Variants in GBP7 observed in about 807,000 individuals in gnomAD.
GBP7 encodes the protein guanylate-binding protein 7.
In GBP7, 43 loss-of-function variants were observed where a neutral mutation model predicts 61.3. The ratio of observed to expected loss-of-function variants is 0.70; its 90% confidence interval spans 0.55 to 0.91. The LOEUF (loss-of-function observed/expected upper bound fraction) is 0.91, where lower values mean the gene tolerates loss of function less well. GBP7 is among the 40% of genes least tolerant of loss of function. The probability of loss-of-function intolerance (pLI) is 0.00; values close to 1 mark genes in which losing one functional copy is unlikely to be tolerated. For synonymous variants in GBP7, 267 were observed against 271.0 expected, an observed-to-expected ratio of 0.99 and a Z score of 0.14; for missense variants, 717 against 740.5, an observed-to-expected ratio of 0.97 and a Z score of 0.37.
intron 3 of GBP7, among the ~76,000 whole-genome samples, chr1:89,154,166 A>G (rs1057145563): frequency 1.3e-5 from 2 of 152,206 alleles, no homozygotes; most frequent in Non-Finnish European, 2.9e-5. Flanking sequence ...GGTCCCTTGA[A>G]CAGTCATACT....
At chr1:89,151,462 C>T (rs1682197273) in intron 5 of GBP7, among the ~76,000 whole-genome samples, 1 of 152,148 alleles carries the variant, frequency 6.6e-6, no homozygotes, top group Non-Finnish European at 1.5e-5. Context: ...ACGGAAAATA[C>T]TCAGGTCAGA....
At chr1:89,161,384 C>T (rs759512657) in intron 3 of GBP7, among the ~76,000 whole-genome samples, 18 of 152,274 alleles carry the variant, frequency 1.2e-4, no homozygotes, top group Non-Finnish European at 2.5e-4. Flanking sequence ...ATTTACACTC[C>T]CACCAACAAT....
rs148584394 is a variant in GBP7 at position 89,152,461 on chromosome 1, G to A, written c.432C>T (p.Tyr144=). 1.1e-4 allele frequency: 170 copies of A among 1,613,638 alleles called. No homozygotes were observed. The highest frequency in any genetic ancestry group is 1.6e-4 in the South Asian group (15 of 91,062). The change falls in exon 5 of 11, where the codon TAC becomes TAT. Residue 144 remains tyrosine, a synonymous_variant. Coordinates refer to ENST00000294671, the MANE Select transcript of GBP7 (RefSeq NM_207398.3). ...INHQALEQLH[Y]VTELTELIRA... is the part of the protein sequence containing the mutation. Reference sequence around the variant, plus strand: ...TGATTAGCTCTGTTAGCTCAGTCACGTAGCTGGGATCTCAGCTAAGGAAGG... The same window carrying A: ...TGATTAGCTCTGTTAGCTCAGTCACATAGCTGGGATCTCAGCTAAGGAAGG...
intron 9 of GBP7, among the ~76,000 whole-genome samples, chr1:89,138,212 G>T (rs1443050098): frequency 9.9e-5 from 15 of 152,128 alleles, no homozygotes; most frequent in Admixed American, 9.8e-4. Flanking sequence ...AATCAATGTT[G>T]TTAAAATAGC....
Position 89,147,566 on chromosome 1 carries a change from C to T in GBP7, c.1365+1G>A. The T allele has an allele frequency of 6.2e-7, 1 of 1,612,014 alleles. No homozygotes were observed. The highest frequency in any genetic ancestry group is 1.1e-5 in the South Asian group (1 of 91,022). ...CATCCCCTTCTCCCCTTATTCCTCA[C>T]CTTAACTCCTTTTCTGGGCACTAGT... On this transcript the variant is annotated splice_donor_variant, in intron 8 of 10. Coordinates refer to ENST00000294671, the MANE Select transcript of GBP7 (RefSeq NM_207398.3). LOFTEE classifies it high-confidence loss of function.
chr1:89,143,387 T>G (rs1681996237), intron 8 of GBP7, among the ~76,000 whole-genome samples: 1 of 152,252 alleles, frequency 6.6e-6, no homozygotes. Context: ...TTGATATATG[T>G]ATCTTTCCAA....
intron 3 of GBP7, among the ~76,000 whole-genome samples, chr1:89,163,778 C>A (rs1207108229): frequency 1.3e-5 from 2 of 152,058 alleles, no homozygotes; most frequent in African/African-American, 4.8e-5. Flanking sequence ...CATTGCCTAG[C>A]CCAGTAAATT....
At chr1:89,161,426 C>G (rs1203584330) in intron 3 of GBP7, among the ~76,000 whole-genome samples, 1 of 152,162 alleles carries the variant, frequency 6.6e-6, no homozygotes, top group Non-Finnish European at 1.5e-5. Flanking sequence ...TACAACCTAA[C>G]CAGCATCTGT....
At chr1:89,136,721 A>G (rs961686494) in intron 9 of GBP7, among the ~76,000 whole-genome samples, 3 of 152,170 alleles carry the variant, frequency 2.0e-5, no homozygotes, top group Admixed American at 6.5e-5. Context: ...ATCTCAAATT[A>G]ACAATCTAAC....
intron 2 of GBP7, among the ~76,000 whole-genome samples, chr1:89,165,415 G>A (rs770332098): frequency 2.6e-5 from 4 of 151,496 alleles, no homozygotes; most frequent in African/African-American, 7.3e-5. Context: ...TAGGGGAGTC[G>A]CTTGAAACCA....
intron 8 of GBP7, among the ~76,000 whole-genome samples, chr1:89,146,737 A>G (rs1682074212): frequency 6.6e-6 from 1 of 152,212 alleles, no homozygotes; most frequent in African/African-American, 2.4e-5. Context: ...AAAAACCATA[A>G]TGAGATATCA....
chr1:89,144,536 C>A (rs1455775136), intron 8 of GBP7, among the ~76,000 whole-genome samples: 2 of 152,146 alleles, frequency 1.3e-5, no homozygotes, highest in Admixed American at 6.5e-5. Flanking sequence ...TACAACCTCA[C>A]CAGTATGTGC....
rs370219309 is a variant in GBP7, at chr1:89,171,808, A to G, written c.128T>C (p.Ile43Thr). 3 of 1,613,566 alleles carry G rather than the reference A, an allele frequency of 1.9e-6. No homozygotes were observed. Among genetic ancestry groups the G allele is most frequent in the African/African-American group, 2.7e-5 (2 of 74,726 alleles). Reference sequence around the variant, plus strand: ...TTTGCCTGTGCGGTAGAGGCCCACAATTGCCACCACTACTACAGGCTGTGT... The same window carrying G: ...TTTGCCTGTGCGGTAGAGGCCCACAGTTGCCACCACTACTACAGGCTGTGT... ...AITQPVVVVA[I>T]VGLYRTGKSY... is the part of the protein sequence containing the mutation. Residue 43 changes from isoleucine (I) to threonine (T), a missense_variant, in exon 2 of 11, where the codon ATT becomes ACT. Physicochemically the swap from Ile to Thr is moderately conservative, Grantham distance 89. Around this residue, in one of 3 missense-constraint regions of GBP7, gnomAD observed 387 missense variants for 385.2 expected, o/e 1.00. Transcript: ENST00000294671.
Position 89,171,760 on chromosome 1 carries a change from G to A in GBP7, c.176C>T (p.Ala59Val), listed in dbSNP as rs1253800397. The change falls in exon 2 of 11, where the codon GCT becomes GTT. Residue 59 changes from alanine (A) to valine (V), a missense_variant. Ala to Val is a moderately conservative substitution (Grantham distance 64). Coordinates refer to ENST00000294671, the MANE Select transcript of GBP7 (RefSeq NM_207398.3). Reference sequence around the variant, plus strand: ...GTGCCACTCACCTTTGTTCTTCCCAGCCAGCTTGTTCATTAGGTAGGATTT... The same window carrying A: ...GTGCCACTCACCTTTGTTCTTCCCAACCAGCTTGTTCATTAGGTAGGATTT... ...TGKSYLMNKL[A>V]GKNKGFPLGC... 1 of 1,612,602 alleles carries A rather than the reference G, an allele frequency of 6.2e-7. No homozygotes were observed. The highest frequency in any genetic ancestry group is 2.2e-5 in the East Asian group (1 of 44,850).
In GBP7 at chr1:89,133,329, T is replaced by G. The variant is rs781485573; in HGVS notation, c.1591A>C (p.Lys531Gln). ...TCCCTTTCCCTCTCCATCTTCTTCT[T>G]GAGTTGAGCTATGTTTTCCTGGAAA... ...RSFQENIAQL[K>Q]KKMERERENY... The change falls in exon 10 of 11, where the codon AAG becomes CAG. Residue 531 changes from lysine to glutamine, a missense_variant. Physicochemically the swap from Lys to Gln is moderately conservative, Grantham distance 53. Around this residue, in one of 3 missense-constraint regions of GBP7, gnomAD observed 312 missense variants for 310.1 expected, o/e 1.01. Transcript: ENST00000294671. 1 of 1,613,996 alleles carries G rather than the reference T, an allele frequency of 6.2e-7. No homozygotes were observed. The highest frequency in any genetic ancestry group is 8.5e-7 in the Non-Finnish European group (1 of 1,179,928).
At position 89,174,718 on chromosome 1, in the gene GBP7, A is replaced by C. The variant is rs561294292; in HGVS notation, c.-20+1203T>G. Among the ~76,000 whole-genome samples, 4 of 152,304 alleles carry C rather than the reference A, an allele frequency of 2.6e-5. No individual in the cohort carries two copies. The South Asian group carries it at 8.3e-4, about 32-fold the overall frequency. ...GTGCATCAGCATTCACACGTTATTC[A>C]TGCAAGCCTGATAGCTCGCACCTGA... On this transcript the variant is annotated intron_variant, in intron 1 of 10. Transcript: ENST00000294671.
chr1:89,153,831 C>T (rs1682256009), intron 3 of GBP7, among the ~76,000 whole-genome samples: 1 of 152,042 alleles, frequency 6.6e-6, no homozygotes, highest in Non-Finnish European at 1.5e-5. Context: ...ATGTCTAACT[C>T]AAATAAGATG....
intron 9 of GBP7, among the ~76,000 whole-genome samples, chr1:89,136,150 C>G (rs915388661): frequency 6.6e-6 from 1 of 152,078 alleles, no homozygotes; most frequent in Middle Eastern, 3.2e-3. Context: ...CTAGAGGACC[C>G]TAGATTCATA....
intron 8 of GBP7, among the ~76,000 whole-genome samples, chr1:89,146,145 C>T (rs1263184022): frequency 2.6e-5 from 4 of 152,092 alleles, no homozygotes; most frequent in Admixed American, 6.6e-5. Flanking sequence ...AGGAAACAAA[C>T]CCACACATTT....
Sources: allele counts gnomAD v4.1 joint callset (sites outside exome capture counted in the v4.1 genomes callset), GRCh38; gene constraint gnomAD v4.1.1; regional missense constraint gnomAD v4.1.1; transcripts MANE v1.5; gene names NCBI Gene and HGNC (gene_info 2026-07-23, HGNC 2026-07-21).